DOCK8: variants seen among roughly 807,000 people sequenced by gnomAD.
DOCK8 encodes the protein dedicator of cytokinesis protein 8.
Under a neutral mutation model 245.6 loss-of-function variants are expected in DOCK8, and 141 were observed. The ratio of observed to expected loss-of-function variants is 0.57; its 90% CI spans 0.50 to 0.66. The LOEUF (loss-of-function observed/expected upper bound fraction) is 0.66, where lower values mean the gene tolerates loss of function less well. Ranked by LOEUF, DOCK8 falls within the 30% of genes least tolerant of loss-of-function variation. The pLI, the probability that DOCK8 is intolerant of heterozygous loss-of-function variation, is 0.00. For synonymous variants in DOCK8, 1,168 were observed against 970.2 expected, an observed-to-expected ratio of 1.20 and a Z score of -3.79; for missense variants, 2,965 against 2,603.4, an observed-to-expected ratio of 1.14 and a Z score of -3.02.
At chr9:451,118 G>A (rs2057417682) in intron 45 of DOCK8, among the ~76,000 whole-genome samples, 1 of 152,016 alleles carries the variant, frequency 6.6e-6, no homozygotes, top group African/African-American at 2.4e-5. Flanking sequence ...TTTCAGACCA[G>A]CCTGGCCAAC....
chr9:462,946 T>C (rs2057852058), intron 46 of DOCK8, among the ~76,000 whole-genome samples: 1 of 152,174 alleles, frequency 6.6e-6, no homozygotes, highest in African/African-American at 2.4e-5. Context: ...AGAAACAAAA[T>C]AGAGATAAAT....
At chr9:296,253 T>G (rs994611101) in intron 4 of DOCK8, among the ~76,000 whole-genome samples, 1 of 152,256 alleles carries the variant, frequency 6.6e-6, no homozygotes, top group Non-Finnish European at 1.5e-5. Flanking sequence ...TAATATTTGA[T>G]GACATCCTTT....
chr9:354,836 G>A (rs1200395960), intron 14 of DOCK8, among the ~76,000 whole-genome samples: 1 of 152,178 alleles, frequency 6.6e-6, no homozygotes, highest in Non-Finnish European at 1.5e-5. Flanking sequence ...GAGACAGAAA[G>A]CAAGACAGAG....
chr9:447,641 C>A (rs4741952), intron 44 of DOCK8, among the ~76,000 whole-genome samples: 23 of 151,728 alleles, frequency 1.5e-4, no homozygotes, highest in Non-Finnish European at 3.0e-4. Flanking sequence ...TTTCTTTCCA[C>A]ACCCATGGTT....
At chr9:373,702 C>A (rs577431853) in intron 18 of DOCK8, among the ~76,000 whole-genome samples, 19 of 152,160 alleles carry the variant, frequency 1.2e-4, no homozygotes, top group African/African-American at 4.6e-4. Context: ...CTCTTATTTT[C>A]TTTTTTCCTT....
chr9:273,140 A>G, intron 2 of DOCK8: 2 of 899,568 alleles, frequency 2.2e-6, no homozygotes, highest in Non-Finnish European at 2.5e-6. Context: ...TTTCAGAAGG[A>G]TAATTTGTGT....
At chr9:261,064 C>T (rs530616000) in intron 1 of DOCK8, among the ~76,000 whole-genome samples, 33 of 144,070 alleles carry the variant, frequency 2.3e-4, no homozygotes, top group Non-Finnish European at 4.0e-4. Context: ...CCAGCCTGGG[C>T]GACAGAGCAA....
At chr9:441,519 T>G in intron 41 of DOCK8, 102 bp downstream of exon 41, 1 of 1,558,556 alleles carries the variant, frequency 6.4e-7, no homozygotes, top group South Asian at 1.1e-5. Flanking sequence ...GATTTATCTT[T>G]AGCACATTGC....
At chr9:377,934 G>C (rs1372357679) in intron 20 of DOCK8, among the ~76,000 whole-genome samples, 3 of 152,194 alleles carry the variant, frequency 2.0e-5, no homozygotes, top group Non-Finnish European at 4.4e-5. Flanking sequence ...TTCCAGGGTA[G>C]ACTGGCTGGT....
Position 371,127 on chromosome 9 carries a change from T to G in DOCK8, c.1869-301T>G, listed in dbSNP as rs146443915. On this transcript the variant is annotated intron_variant, in intron 16 of 47. Coordinates refer to ENST00000432829, the MANE Select transcript of DOCK8 (RefSeq NM_203447.4). Reference sequence around the variant, plus strand: ...CACAGCAGGAGTCCAAACCTCATCCTTTCTTCAAATTAAGTTGTTGGAGTT... The same window carrying G: ...CACAGCAGGAGTCCAAACCTCATCCGTTCTTCAAATTAAGTTGTTGGAGTT... Among the ~76,000 whole-genome samples, 324 of 152,320 alleles carry G rather than the reference T, an allele frequency of 2.1e-3. 1 individual carries two copies. Among genetic ancestry groups the G allele is most frequent in the South Asian group, 0.011 (55 of 4,824 alleles).
chr9:211,477 T>C (rs1332223884), upstream of DOCK8, among the ~76,000 whole-genome samples: 3 of 152,020 alleles, frequency 2.0e-5, no homozygotes, highest in African/African-American at 7.2e-5. Flanking sequence ...TAGAAACAGA[T>C]GAGATAGGAG....
chr9:324,207 G>C (rs2050651600), intron 7 of DOCK8, among the ~76,000 whole-genome samples: 1 of 152,210 alleles, frequency 6.6e-6, no homozygotes, highest in African/African-American at 2.4e-5. Flanking sequence ...CATTTCCAAA[G>C]GCGCCATTTG....
At chr9:402,403 C>A (rs954776835) in intron 26 of DOCK8, among the ~76,000 whole-genome samples, 3 of 151,214 alleles carry the variant, frequency 2.0e-5, no homozygotes, top group Non-Finnish European at 4.4e-5. Context: ...TTGAGGCATT[C>A]ATTTCCTCAT....
intron 14 of DOCK8, among the ~76,000 whole-genome samples, chr9:353,392 T>C (rs1421870502): frequency 2.6e-5 from 4 of 152,178 alleles, no homozygotes; most frequent in Non-Finnish European, 5.9e-5. Flanking sequence ...TCAAGAATGA[T>C]AAAACAAGCA....
chr9:234,648 C>G (rs981889983), intron 1 of DOCK8, among the ~76,000 whole-genome samples: 1 of 152,214 alleles, frequency 6.6e-6, no homozygotes, highest in African/African-American at 2.4e-5. Flanking sequence ...TCATTCATTT[C>G]ATCTTCCATC....
chr9:266,464 G>T (rs1339414739), intron 1 of DOCK8, among the ~76,000 whole-genome samples: 2 of 152,044 alleles, frequency 1.3e-5, no homozygotes, highest in Non-Finnish European at 2.9e-5. Flanking sequence ...AAATCACCTG[G>T]AATTGCTGAC....
At chr9:279,719 C>CT (rs1364719582) in intron 2 of DOCK8, among the ~76,000 whole-genome samples, 26 of 152,232 alleles carry the variant, frequency 1.7e-4, no homozygotes, top group Non-Finnish European at 3.4e-4. Context: ...TTTGACAAGG[C>CT]TTGTCTGTTG....
At chr9:422,979 C>T (rs1234940042) in intron 33 of DOCK8, among the ~76,000 whole-genome samples, 1 of 108,662 alleles carries the variant, frequency 9.2e-6, no homozygotes, top group Non-Finnish European at 2.0e-5. Context: ...AGCAAGACTC[C>T]ATCTCAAAAA....
chr9:377,753 C>T (rs549835506), intron 20 of DOCK8, among the ~76,000 whole-genome samples: 1 of 152,350 alleles, frequency 6.6e-6, no homozygotes, highest in East Asian at 1.9e-4. Context: ...AAAACCCCAT[C>T]ACTCCCTATT....
Sources: gnomAD v4.1 joint callset for allele counts (sites outside exome capture counted in the v4.1 genomes callset) on GRCh38, gnomAD v4.1.1 for gene constraint, MANE v1.5 for transcripts, NCBI Gene and HGNC (gene_info 2026-07-23, HGNC 2026-07-21) for gene names.